The following PHACTR1 variants were observed in gnomAD, a reference collection of about 807,000 sequenced individuals.
The protein encoded by PHACTR1 is phosphatase and actin regulator 1.
In PHACTR1, 16 loss-of-function variants were observed where a neutral mutation model predicts 69.2. The observed-to-expected ratio is 0.23, with a 90% CI of 0.16 to 0.35. PHACTR1 has a LOEUF of 0.35. Ranked by LOEUF, PHACTR1 falls within the 10% of genes least tolerant of loss-of-function variation. The pLI, the probability that PHACTR1 is intolerant of heterozygous loss-of-function variation, is 1.00. For missense variants in PHACTR1, 510 were observed against 734.7 expected (o/e 0.69, Z 3.54); for synonymous variants, 312 against 284.5 (o/e 1.10, Z -0.97).
At chr6:12,770,206 A>G (rs1581672041) in intron 4 of PHACTR1, among the ~76,000 whole-genome samples, 1 of 151,972 alleles carries the variant, frequency 6.6e-6, no homozygotes, top group Non-Finnish European at 1.5e-5. Flanking sequence ...CAAGACTAGT[A>G]CTCCAGGTAT....
intron 10 of PHACTR1, among the ~76,000 whole-genome samples, chr6:13,268,287 A>G (rs1207532482): frequency 6.6e-6 from 1 of 152,074 alleles, no homozygotes; most frequent in African/African-American, 2.4e-5. Context: ...AAAAAGTGTA[A>G]CCTCTGAGCA....
At chr6:13,080,365 A>G (rs1811183317) in intron 5 of PHACTR1, among the ~76,000 whole-genome samples, 1 of 152,178 alleles carries the variant, frequency 6.6e-6, no homozygotes, top group South Asian at 2.1e-4. Context: ...CAGCTGGCAA[A>G]ATTAACCCTA....
chr6:13,075,429 A>C (rs1810284572), intron 5 of PHACTR1, among the ~76,000 whole-genome samples: 1 of 152,162 alleles, frequency 6.6e-6, no homozygotes, highest in Non-Finnish European at 1.5e-5. Context: ...TGATCCCTTG[A>C]GTAAGGTCTT....
chr6:13,156,519 T>C (rs1416493026), intron 5 of PHACTR1, among the ~76,000 whole-genome samples: 1 of 152,224 alleles, frequency 6.6e-6, no homozygotes, highest in Non-Finnish European at 1.5e-5. Context: ...ATTCTCCCTG[T>C]GTCATAAGGA....
chr6:13,019,074 AT>A (rs56281010), intron 4 of PHACTR1, among the ~76,000 whole-genome samples: 1 of 143,660 alleles, frequency 7.0e-6, no homozygotes, highest in African/African-American at 2.6e-5. Context: ...ATATATATAT[AT>A]TTTTTCTTTT....
At chr6:12,989,413 G>A (rs2127603496) in intron 4 of PHACTR1, among the ~76,000 whole-genome samples, 1 of 152,282 alleles carries the variant, frequency 6.6e-6, no homozygotes. Context: ...TCATCAGGAG[G>A]TGCTATCTGA....
chr6:12,723,112 A>G (rs957980295), intron 3 of PHACTR1, among the ~76,000 whole-genome samples: 4 of 152,220 alleles, frequency 2.6e-5, no homozygotes, highest in Non-Finnish European at 5.9e-5. Flanking sequence ...TAAAATGGAC[A>G]TTATAGGCCA....
intron 4 of PHACTR1, among the ~76,000 whole-genome samples, chr6:12,819,752 C>T (rs550115795): frequency 4.6e-5 from 7 of 152,232 alleles, no homozygotes; most frequent in East Asian, 1.9e-4. Context: ...CAGTGAGGGA[C>T]GCAGCTCTGT....
At chr6:13,016,267 G>A (rs978619901) in intron 4 of PHACTR1, among the ~76,000 whole-genome samples, 18 of 152,204 alleles carry the variant, frequency 1.2e-4, no homozygotes, top group African/African-American at 4.3e-4. Flanking sequence ...GTTTGTTCAG[G>A]CTCTATAGAG....
chr6:12,833,561 A>G (rs1777825886), intron 4 of PHACTR1, among the ~76,000 whole-genome samples: 1 of 151,964 alleles, frequency 6.6e-6, no homozygotes, highest in African/African-American at 2.4e-5. Flanking sequence ...GCCCGGCCAA[A>G]CCTCCAATTC....
chr6:12,791,771 C>A (rs2127662498), intron 4 of PHACTR1, among the ~76,000 whole-genome samples: 1 of 152,312 alleles, frequency 6.6e-6, no homozygotes, highest in South Asian at 2.1e-4. Flanking sequence ...TTTGTTCTTT[C>A]AGTGAATGCT....
chr6:12,962,213 A>T (rs1183054847), intron 4 of PHACTR1, among the ~76,000 whole-genome samples: 1 of 152,148 alleles, frequency 6.6e-6, no homozygotes, highest in Non-Finnish European at 1.5e-5. Flanking sequence ...GGGTTGAGCC[A>T]CTGTGCCTGG....
intron 5 of PHACTR1, among the ~76,000 whole-genome samples, chr6:13,074,216 C>G (rs558396912): frequency 6.6e-6 from 1 of 152,178 alleles, no homozygotes; most frequent in African/African-American, 2.4e-5. Context: ...GGATATGAAC[C>G]AGCAAGTCAA....
chr6:12,936,944 GT>G (rs1185038158), intron 4 of PHACTR1, among the ~76,000 whole-genome samples: 2 of 152,076 alleles, frequency 1.3e-5, no homozygotes, highest in Non-Finnish European at 2.9e-5. Flanking sequence ...TTTTTAAAGT[GT>G]CTGAGGATGA....
At chr6:13,014,779 C>T (rs972294199) in intron 4 of PHACTR1, among the ~76,000 whole-genome samples, 9 of 152,196 alleles carry the variant, frequency 5.9e-5, no homozygotes, top group Non-Finnish European at 1.2e-4. Flanking sequence ...TGGGCGTGTG[C>T]GAGCCAGAGC....
At chr6:12,781,464 A>T (rs892524134) in intron 4 of PHACTR1, among the ~76,000 whole-genome samples, 3 of 152,144 alleles carry the variant, frequency 2.0e-5, no homozygotes, top group Non-Finnish European at 4.4e-5. Flanking sequence ...ATGCTTGCAA[A>T]CTATTTTCCA....
intron 4 of PHACTR1, among the ~76,000 whole-genome samples, chr6:12,814,647 T>C (rs1359276441): frequency 6.6e-6 from 1 of 152,106 alleles, no homozygotes; most frequent in East Asian, 1.9e-4. Context: ...TGCCATATTA[T>C]ATATTGCCTC....
chr6:12,768,618 T>A (rs1016074268), intron 4 of PHACTR1, among the ~76,000 whole-genome samples: 2 of 152,166 alleles, frequency 1.3e-5, no homozygotes, highest in African/African-American at 2.4e-5. Context: ...ATCTCAGCTA[T>A]TATGGTTGCC....
chr6:12,899,058 G>A (rs1190364289), intron 4 of PHACTR1, among the ~76,000 whole-genome samples: 6 of 152,180 alleles, frequency 3.9e-5, no homozygotes, highest in Non-Finnish European at 2.9e-5. Flanking sequence ...TTGGTCCCCA[G>A]TATCTGTGAC....
Sources: allele counts gnomAD v4.1 joint callset (sites outside exome capture counted in the v4.1 genomes callset), GRCh38; gene constraint gnomAD v4.1.1; transcripts MANE v1.5; gene names NCBI Gene and HGNC (gene_info 2026-07-23, HGNC 2026-07-21).